FHIT: variants seen among roughly 807,000 people sequenced by gnomAD.
The protein encoded by FHIT is bis(5'-adenosyl)-triphosphatase.
A neutral mutation model predicts 17.9 loss-of-function variants in FHIT; 19 were observed. The observed-to-expected ratio is 1.06, with a 90% CI of 0.74 to 1.56. FHIT has a LOEUF of 1.56. Among genes scored for constraint, FHIT ranks in the 40% most tolerant of loss-of-function variants. The pLI, the probability that FHIT is intolerant of heterozygous loss-of-function variation, is 0.00. For missense variants in FHIT, 248 were observed against 189.2 expected (o/e 1.31, Z -1.82); for synonymous variants, 81 against 69.7 (o/e 1.16, Z -0.81).
chr3:59,800,588 T>A (rs1420338000), intron 8 of FHIT, among the ~76,000 whole-genome samples: 1 of 152,200 alleles, frequency 6.6e-6, no homozygotes, highest in Non-Finnish European at 1.5e-5. Context: ...AGGACCACCG[T>A]CTAACAGCTA....
intron 7 of FHIT, among the ~76,000 whole-genome samples, chr3:59,975,803 T>C (rs1174736694): frequency 6.6e-6 from 1 of 152,086 alleles, no homozygotes; most frequent in Non-Finnish European, 1.5e-5. Flanking sequence ...GATCTAGAAC[T>C]GGCAACGAAC....
At chr3:60,871,980 AG>A (rs1267994345) in intron 3 of FHIT, among the ~76,000 whole-genome samples, 2 of 152,064 alleles carry the variant, frequency 1.3e-5, no homozygotes, top group African/African-American at 2.4e-5. Context: ...TATTTTTAAA[AG>A]GAATATACTG....
chr3:60,955,607 T>TATATATATACATATATATATATATAC (rs1559862205), intron 3 of FHIT, among the ~76,000 whole-genome samples: 3 of 11,548 alleles, frequency 2.6e-4, no homozygotes, highest in African/African-American at 7.0e-4. Flanking sequence ...CATATATATA[T>TATATATATACATATATATATATATAC]ATATATATAT....
chr3:59,828,841 C>CTGTGTGTGTG (rs1491505595), intron 8 of FHIT, among the ~76,000 whole-genome samples: 1 of 2,680 alleles, frequency 3.7e-4, no homozygotes, highest in African/African-American at 6.6e-4. Flanking sequence ...ACCAATGGTA[C>CTGTGTGTGTG]TCTCTCTGTG....
chr3:60,043,580 C>T (rs1701529754), intron 5 of FHIT, among the ~76,000 whole-genome samples: 1 of 152,212 alleles, frequency 6.6e-6, no homozygotes, highest in Non-Finnish European at 1.5e-5. Context: ...TTGAGCCTTA[C>T]ACAATAGTGT....
rs552394517 is a variant in FHIT at position 61,181,678 on chromosome 3, G to A, written c.-164+18939C>T. ...AAAAATCTACCATGTAGTCCAAGTC[G>A]TCTAATGCTAGCAAGCCCCTGAATC... On this transcript the variant is annotated intron_variant, in intron 2 of 9. Coordinates refer to ENST00000492590, the MANE Select transcript of FHIT (RefSeq NM_002012.4). 3.5e-4 allele frequency among the ~76,000 whole-genome samples: 54 copies of A among 152,238 alleles called. 1 individual carries two copies. In the South Asian group the frequency reaches 8.3e-3, roughly 23 times the overall value.
intron 3 of FHIT, among the ~76,000 whole-genome samples, chr3:60,971,566 G>C (rs1710014606): frequency 6.6e-6 from 1 of 151,910 alleles, no homozygotes; most frequent in South Asian, 2.1e-4. Flanking sequence ...GGAGAAAGGG[G>C]CTTGTTGGAA....
rs1472166069 is a variant in FHIT at position 59,945,429 on chromosome 3, A to G, written c.280-23015T>C. On this transcript the variant is annotated intron_variant, in intron 7 of 9. Coordinates refer to ENST00000492590, the MANE Select transcript of FHIT (RefSeq NM_002012.4). The stretch of plus-strand genomic sequence containing the variant: ...AGAGTCTGAATCTTATACTTTTGTC[A>G]GATGCATAGTTTGCAAATATTTTCT... Among the ~76,000 whole-genome samples the G allele has an allele frequency of 3.3e-5, 5 of 152,176 alleles. No individual in the cohort carries two copies. In the East Asian group the frequency reaches 9.7e-4, roughly 29 times the overall value.
chr3:60,439,992 C>G (rs1204115947), intron 5 of FHIT, among the ~76,000 whole-genome samples: 2 of 152,094 alleles, frequency 1.3e-5, no homozygotes, highest in African/African-American at 2.4e-5. Context: ...TACTCTCACC[C>G]CTACTTCACA....
chr3:59,981,541 T>C (rs924844297), intron 7 of FHIT, among the ~76,000 whole-genome samples: 11 of 152,158 alleles, frequency 7.2e-5, no homozygotes, highest in African/African-American at 2.4e-4. Context: ...ATTCCCACAG[T>C]GGCAGTGCCT....
At chr3:60,290,047 T>G (rs1707910873) in intron 5 of FHIT, among the ~76,000 whole-genome samples, 1 of 152,180 alleles carries the variant, frequency 6.6e-6, no homozygotes, top group South Asian at 2.1e-4. Flanking sequence ...TGATTGTGGT[T>G]CTTATCACAA....
At chr3:60,051,188 G>A (rs555167274) in intron 5 of FHIT, among the ~76,000 whole-genome samples, 3 of 152,100 alleles carry the variant, frequency 2.0e-5, no homozygotes, top group South Asian at 2.1e-4. Flanking sequence ...ATGTTTAGGC[G>A]GAGACTCACA....
intron 2 of FHIT, among the ~76,000 whole-genome samples, chr3:61,103,416 A>G (rs957523176): frequency 1.3e-5 from 2 of 152,158 alleles, no homozygotes; most frequent in Admixed American, 1.3e-4. Flanking sequence ...GTGGTCTGAG[A>G]GACAGTTTGC....
At chr3:60,401,823 T>G (rs537523362) in intron 5 of FHIT, among the ~76,000 whole-genome samples, 36 of 152,298 alleles carry the variant, frequency 2.4e-4, no homozygotes, top group African/African-American at 8.4e-4. Context: ...AAATGAGTCT[T>G]GAAAACAATT....
chr3:60,521,272 G>T (rs999223210), intron 5 of FHIT, among the ~76,000 whole-genome samples: 2 of 151,754 alleles, frequency 1.3e-5, no homozygotes, highest in African/African-American at 4.8e-5. Context: ...TTTTGAGGCG[G>T]AGGCTTGCTC....
chr3:60,780,427 C>G (rs1266282292), intron 4 of FHIT, among the ~76,000 whole-genome samples: 2 of 152,056 alleles, frequency 1.3e-5, no homozygotes, highest in African/African-American at 2.4e-5. Flanking sequence ...GTTTTTTTTG[C>G]CAGTCAGGCT....
intron 2 of FHIT, among the ~76,000 whole-genome samples, chr3:61,106,029 C>T (rs1470868693): frequency 6.6e-6 from 1 of 152,120 alleles, no homozygotes; most frequent in Non-Finnish European, 1.5e-5. Context: ...TTAATGTTTT[C>T]TTTTCAGCTT....
chr3:60,860,414 T>C (rs1422835315), intron 3 of FHIT, among the ~76,000 whole-genome samples: 3 of 139,916 alleles, frequency 2.1e-5, no homozygotes, highest in Non-Finnish European at 4.8e-5. Context: ...ACATACATCA[T>C]ATGTATATAT....
intron 5 of FHIT, among the ~76,000 whole-genome samples, chr3:60,491,145 T>G (rs942630977): frequency 1.3e-5 from 2 of 152,124 alleles, no homozygotes; most frequent in African/African-American, 4.8e-5. Context: ...AGCTCAGATC[T>G]GAAAGGTAAA....
Sources: allele counts gnomAD v4.1 joint callset (sites outside exome capture counted in the v4.1 genomes callset), GRCh38; gene constraint gnomAD v4.1.1; transcripts MANE v1.5; gene names NCBI Gene and HGNC (gene_info 2026-07-23, HGNC 2026-07-21).